Variants in GMNN observed in about 807,000 individuals in gnomAD.
GMNN encodes the protein geminin.
A neutral mutation model predicts 20.9 loss-of-function variants in GMNN; 14 were observed. The ratio of observed to expected loss-of-function variants is 0.67; its 90% CI spans 0.44 to 1.05. The LOEUF (loss-of-function observed/expected upper bound fraction) is 1.05. Among genes scored for constraint, GMNN ranks in the 50% least tolerant of loss-of-function variants. GMNN has a pLI of 0.00. For synonymous variants in GMNN, 81 were observed against 85.8 expected (o/e 0.94, Z 0.31); for missense variants, 227 against 243.8 (o/e 0.93, Z 0.46).
rs1466754653 is a variant in GMNN, at chr6:24,777,263, A to G, written c.17A>G (p.Lys6Arg). The G allele has an allele frequency of 2.8e-6, 4 of 1,414,698 alleles. No individual in the cohort carries two copies. Among genetic ancestry groups the G allele is most frequent in the Non-Finnish European group, 3.9e-6 (4 of 1,027,008 alleles). 87.6% of individuals were successfully genotyped at this position (1,414,698 alleles called of 1,614,324 possible). ...ATCTACATAATGAATCCCAGTATGA[A>G]GCAGAAACAAGAAGAAATCAAAGAG... MNPSM[K>R]QKQEEIKENI... Residue 6 changes from lysine to arginine, a missense_variant, in exon 2 of 7, where the codon AAG becomes AGG. Coordinates refer to ENST00000230056, the MANE Select transcript of GMNN (RefSeq NM_015895.5).
intron 4 of GMNN, among the ~76,000 whole-genome samples, chr6:24,782,267 C>T (rs1393134145): frequency 6.6e-6 from 1 of 151,764 alleles, no homozygotes; most frequent in African/African-American, 2.4e-5. Context: ...ATAAGGAAAC[C>T]AATAAAAATA....
rs764050731 is a variant in GMNN at position 24,777,271 on chromosome 6, C to G, written c.25C>G (p.Gln9Glu). MNPSMKQK[Q>E]EEIKENIKNS... ...AATGAATCCCAGTATGAAGCAGAAA[C>G]AAGAAGAAATCAAAGAGAATATAAA... Residue 9 changes from glutamine (Q) to glutamate (E), a missense_variant, in exon 2 of 7, where the codon CAA becomes GAA. By Grantham distance (29) the Gln-to-Glu change is conservative (BLOSUM62 2). Transcript: ENST00000230056. 1.4e-6 allele frequency: 2 copies of G among 1,408,314 alleles called. No individual in the cohort carries two copies. Among genetic ancestry groups the G allele is most frequent in the Non-Finnish European group, 2.0e-6 (2 of 1,021,446 alleles). The allele number at this position is 1,408,314 out of a possible 1,614,324, so 87.2% of individuals were successfully genotyped here.
intron 2 of GMNN, 55 bp from the exon 3 acceptor site, chr6:24,780,608 T>TCAGTTGC: frequency 2.0e-6 from 2 of 992,362 alleles, no homozygotes; most frequent in South Asian, 2.6e-5. Context: ...ACTCAGTAAC[T>TCAGTTGC]AAATAACCAT....
At position 24,781,479 on chromosome 6, in the gene GMNN, G is replaced by T; in HGVS notation, c.132G>T (p.Leu44=). The T allele has an allele frequency of 6.3e-7, 1 of 1,590,242 alleles. No individual in the cohort carries two copies. Among genetic ancestry groups the T allele is most frequent in the Non-Finnish European group, 8.6e-7 (1 of 1,161,392 alleles). Residue 44 remains leucine, a splice_region_variant and synonymous_variant, in exon 4 of 7, where the codon CTG becomes CTT. Transcript: ENST00000230056. ...SGSLVGRENE[L]SAGLSKRKHR... ...GTTGATAAGTGTTTTCATTATAGCTGTCCGCAGGCTTGTCCAAAAGGAAAC... is the reference window on the plus strand; with the variant it reads ...GTTGATAAGTGTTTTCATTATAGCTTTCCGCAGGCTTGTCCAAAAGGAAAC...
At chr6:24,782,683 TTAAAA>T (rs1780248980) in intron 4 of GMNN, among the ~76,000 whole-genome samples, 3 of 152,206 alleles carry the variant, frequency 2.0e-5, no homozygotes, top group East Asian at 1.9e-4. Flanking sequence ...CAAGGATTAG[TTAAAA>T]TAAACTGCTA....
At chr6:24,784,261 T>C in intron 5 of GMNN, 92 bp downstream of exon 5, 1 of 750,756 alleles carries the variant, frequency 1.3e-6, no homozygotes. Context: ...GGGCTAGCTT[T>C]AGTATTGGCT....
Position 24,785,654 on chromosome 6 carries a change from C to T in GMNN, c.485C>T (p.Pro162Leu). Residue 162 changes from proline to leucine, a missense_variant, in exon 7 of 7, where the codon CCT becomes CTT. Pro to Leu is a moderately conservative substitution (Grantham distance 98). Transcript: ENST00000230056. The stretch of plus-strand genomic sequence containing the variant: ...CTTTAAAAGAGACTGAATGGTGAAC[C>T]TCTGGATAATTTTGAATCACTGGAT... The part of the protein sequence containing the change: ...AELIERLNGE[P>L]LDNFESLDNQ... The T allele has an allele frequency of 2.0e-6, 3 of 1,514,334 alleles. No homozygotes were observed. Among genetic ancestry groups the T allele is most frequent in the Non-Finnish European group, 2.7e-6 (3 of 1,102,648 alleles). 93.8% of individuals were successfully genotyped at this position (1,514,334 alleles called of 1,614,324 possible). A position where few individuals can be genotyped will look rare whatever the true frequency, so the allele number is the denominator to read the frequency against.
At chr6:24,782,301 A>T (rs1235194652) in intron 4 of GMNN, among the ~76,000 whole-genome samples, 1 of 152,206 alleles carries the variant, frequency 6.6e-6, no homozygotes, top group African/African-American at 2.4e-5. Flanking sequence ...AAGATGAATG[A>T]GAAGAATTAT....
chr6:24,784,090 A>T lies in GMNN; in HGVS notation c.278A>T (p.Asn93Ile). ...QESFDLMIKE[N>I]PSSQYWKEVA... ...TATATTTAAAATATTATTTTAGAAAATCCATCCTCTCAGTATTGGAAGGAA... is the reference window on the plus strand; with the variant it reads ...TATATTTAAAATATTATTTTAGAAATTCCATCCTCTCAGTATTGGAAGGAA... The change falls in exon 5 of 7, where the codon AAT becomes ATT. Residue 93 changes from asparagine (N) to isoleucine (I), a missense_variant. Physicochemically the swap from Asn to Ile is moderately radical, Grantham distance 149 (BLOSUM62 -3). Coordinates refer to ENST00000230056, the MANE Select transcript of GMNN (RefSeq NM_015895.5). The T allele has an allele frequency of 7.3e-7, 1 of 1,365,874 alleles. No individual in the cohort carries two copies. The highest frequency in any genetic ancestry group is 2.3e-5 in the East Asian group (1 of 43,352). 84.6% of individuals were successfully genotyped at this position (1,365,874 alleles called of 1,614,324 possible).
Position 24,785,979 on chromosome 6 carries a change from G to T in GMNN, c.*180G>T. 3 of 491,442 alleles carry T rather than the reference G, an allele frequency of 6.1e-6. No homozygotes were observed. In the South Asian group the frequency reaches 9.3e-5, roughly 15 times the overall value. 30.4% of individuals were successfully genotyped at this position (491,442 alleles called of 1,614,324 possible). ...GTATTTTTAATCTATGATGGTTTAT[G>T]TGAATAGGATTTTCTCAGTTGTCAG... On this transcript the variant is annotated 3_prime_UTR_variant, in exon 7 of 7. Transcript: ENST00000230056.
At position 24,785,974 on chromosome 6, in the gene GMNN, T is replaced by C; in HGVS notation, c.*175T>C. 2.0e-6 allele frequency: 1 copy of C among 499,036 alleles called. No homozygotes were observed. Among genetic ancestry groups the C allele is most frequent in the East Asian group, 3.6e-5 (1 of 27,522 alleles). The allele number at this position is 499,036 out of a possible 1,614,324, so 30.9% of individuals were successfully genotyped here. On this transcript the variant is annotated 3_prime_UTR_variant, in exon 7 of 7. Transcript: ENST00000230056. ...ACTATGTATTTTTAATCTATGATGG[T>C]TTATGTGAATAGGATTTTCTCAGTT... is the stretch of plus-strand genomic sequence containing the variant.
intron 2 of GMNN, among the ~76,000 whole-genome samples, chr6:24,778,390 A>C (rs1490141127): frequency 6.6e-6 from 1 of 152,106 alleles, no homozygotes; most frequent in African/African-American, 2.4e-5. Flanking sequence ...AATCCCAGCT[A>C]CTGGGAGGCT....
rs555701797 is a variant in GMNN at position 24,784,401 on chromosome 6, A to G, written c.358-43A>G. ...GGAGGTATGTAATTTGATTTATAGC[A>G]TAGCAAATCTATGGAATACTGAACT... is the stretch of plus-strand genomic sequence containing the variant. On this transcript the variant is annotated intron_variant, in intron 5 of 6. Coordinates refer to ENST00000230056, the MANE Select transcript of GMNN (RefSeq NM_015895.5). 4.4e-6 allele frequency: 4 copies of G among 903,972 alleles called. No individual in the cohort carries two copies. In the African/African-American group the frequency reaches 4.9e-5, roughly 11 times the overall value. The allele number at this position is 903,972 out of a possible 1,614,324, so 56.0% of individuals were successfully genotyped here.
intron 4 of GMNN, among the ~76,000 whole-genome samples, chr6:24,783,572 GATAGCATCTTAATCAA>G (rs1780273603): frequency 6.6e-6 from 1 of 152,090 alleles, no homozygotes; most frequent in Admixed American, 6.6e-5. Flanking sequence ...AAATCTGATA[GATAGCATCTTAATCAA>G]ATGATCAAAT....
intron 2 of GMNN, among the ~76,000 whole-genome samples, chr6:24,779,143 G>A (rs1382709167): frequency 2.0e-5 from 3 of 152,146 alleles, no homozygotes; most frequent in Non-Finnish European, 2.9e-5. Flanking sequence ...GTGTGAATGT[G>A]CTTTTATGTG....
rs1053229509 is a variant in GMNN at position 24,781,505 on chromosome 6, A to T, written c.158A>T (p.His53Leu). 1 of 1,598,372 alleles carries T rather than the reference A, an allele frequency of 6.3e-7. No homozygotes were observed. The highest frequency in any genetic ancestry group is 8.6e-7 in the Non-Finnish European group (1 of 1,167,880). The change falls in exon 4 of 7, where the codon CAT (histidine) becomes CTT (leucine). Residue 53 changes from histidine to leucine, a missense_variant. By Grantham distance (99) the His-to-Leu change is moderately conservative. Coordinates refer to ENST00000230056, the MANE Select transcript of GMNN (RefSeq NM_015895.5). ...ELSAGLSKRKHRNDHLTSTTS... is the reference protein window; with the variant it reads ...ELSAGLSKRKLRNDHLTSTTS... Reference sequence around the variant, plus strand: ...TCCGCAGGCTTGTCCAAAAGGAAACATCGGAATGACCACTTAACATCTACA... The same window carrying T: ...TCCGCAGGCTTGTCCAAAAGGAAACTTCGGAATGACCACTTAACATCTACA...
intron 2 of GMNN, among the ~76,000 whole-genome samples, chr6:24,780,000 G>A (rs1780163726): frequency 6.6e-6 from 1 of 152,146 alleles, no homozygotes; most frequent in African/African-American, 2.4e-5. Context: ...GTTCTGGAAA[G>A]TTACATTCTT....
chr6:24,780,805 T>G, intron 3 of GMNN, 65 bp downstream of exon 3: 1 of 793,354 alleles, frequency 1.3e-6, no homozygotes, highest in South Asian at 1.5e-5. Context: ...ACATTTCTAC[T>G]ATTTTCTTGG....
intron 2 of GMNN, among the ~76,000 whole-genome samples, chr6:24,780,014 G>A (rs571397743): frequency 6.6e-6 from 1 of 152,270 alleles, no homozygotes; most frequent in East Asian, 1.9e-4. Flanking sequence ...CATTCTTTTG[G>A]TGAGTACATG....
Sources: allele counts gnomAD v4.1 joint callset (sites outside exome capture counted in the v4.1 genomes callset), GRCh38; gene constraint gnomAD v4.1.1; transcripts MANE v1.5; gene names NCBI Gene and HGNC (gene_info 2026-07-23, HGNC 2026-07-21).